TAPBP: variants seen among roughly 807,000 people sequenced by gnomAD.
The protein encoded by TAPBP is tapasin.
Under a neutral mutation model 45.7 loss-of-function variants are expected in TAPBP, and 38 were observed. That is an observed-to-expected ratio of 0.83 (90% CI 0.64 to 1.09). The LOEUF is 1.09. Among genes scored for constraint, TAPBP ranks in the 50% least tolerant of loss-of-function variants. The pLI is 0.00. For missense variants in TAPBP, 513 were observed against 587.3 expected (o/e 0.87, Z 1.31); for synonymous variants, 226 against 254.8 (o/e 0.89, Z 1.08).
rs561937329 is a variant in TAPBP at position 33,312,040 on chromosome 6, A to T, written c.469+1177T>A. Among the ~76,000 whole-genome samples the T allele has an allele frequency of 3.3e-5, 5 of 152,376 alleles. No homozygotes were observed. The East Asian group carries it at 9.6e-4, about 29-fold the overall frequency. On this transcript the variant is annotated intron_variant, in intron 3 of 7. Coordinates refer to ENST00000434618, the MANE Select transcript of TAPBP (RefSeq NM_003190.5). The stretch of plus-strand genomic sequence containing the variant: ...TAAATTAACACAGTGCCATCTCTTG[A>T]TAGTCACAACAAGAAAAGCAGCTGG...
chr6:33,304,981 C>T lies in TAPBP; in HGVS notation c.868+8G>A. ...TCTACCCCTGGAGACCTCTGTCCCC[C>T]AACTCACTGTACACAGCAAGCTCCA... On this transcript the variant is annotated splice_region_variant and intron_variant, in intron 4 of 7. Transcript: ENST00000434618. 3 of 1,613,658 alleles carry T rather than the reference C, an allele frequency of 1.9e-6. No homozygotes were observed. Among genetic ancestry groups the T allele is most frequent in the Non-Finnish European group, 2.5e-6 (3 of 1,179,712 alleles).
intron 3 of TAPBP, among the ~76,000 whole-genome samples, chr6:33,310,327 C>T (rs1027097810): frequency 6.7e-6 from 1 of 148,598 alleles, no homozygotes; most frequent in African/African-American, 2.5e-5. Flanking sequence ...CTAACATGAC[C>T]AAACCCTGTC....
chr6:33,310,034 T>A (rs1769242048), intron 3 of TAPBP, among the ~76,000 whole-genome samples: 1 of 151,544 alleles, frequency 6.6e-6, no homozygotes, highest in African/African-American at 2.4e-5. Flanking sequence ...TTTTTTTAAT[T>A]TTTAGTAGAG....
chr6:33,313,572 C>A lies in TAPBP; in HGVS notation c.209-95G>T. 1.3e-6 allele frequency: 2 copies of A among 1,521,274 alleles called. No homozygotes were observed. The highest frequency in any genetic ancestry group is 8.8e-7 in the Non-Finnish European group (1 of 1,131,920). The allele number at this position is 1,521,274 out of a possible 1,614,324, so 94.2% of individuals were successfully genotyped here. ...GGGAACTTCAAATGCACAGACTACC[C>A]CGTAGTGAGACTCACTTTACAAAGG... On this transcript the variant is annotated intron_variant, in intron 2 of 7. Coordinates refer to ENST00000434618, the MANE Select transcript of TAPBP (RefSeq NM_003190.5). The surrounding 1 kb of genome is among the most constrained non-coding windows in gnomAD (Gnocchi z 7.2).
chr6:33,307,236 T>C (rs3135408), intron 3 of TAPBP, among the ~76,000 whole-genome samples: 89,831 of 151,358 alleles, frequency 0.59, 27,337 homozygotes, highest in African/African-American at 0.74. Flanking sequence ...TGCCGTAAGC[T>C]GAAATCATGC....
Position 33,303,969 on chromosome 6 carries a change from T to C in TAPBP, c.1321A>G (p.Lys441Glu). 1.9e-6 allele frequency: 3 copies of C among 1,613,874 alleles called. No individual in the cohort carries two copies. In the South Asian group the frequency reaches 3.3e-5, roughly 18 times the overall value. ...GAGCACTGTACCTTCTTTGAATCCT[T>C]GCAGGTGGACAGGTAGACAGCTGTG... ...GWAAVYLSTCKDSKKKAE is the reference protein window; with the variant it reads ...GWAAVYLSTCEDSKKKAE Residue 441 changes from lysine to glutamate, a missense_variant, in exon 7 of 8, where the codon AAG becomes GAG. By Grantham distance (56) the Lys-to-Glu change is moderately conservative (BLOSUM62 1). Coordinates refer to ENST00000434618, the MANE Select transcript of TAPBP (RefSeq NM_003190.5).
chr6:33,310,228 T>C (rs1471928604), intron 3 of TAPBP, among the ~76,000 whole-genome samples: 2 of 151,220 alleles, frequency 1.3e-5, no homozygotes, highest in East Asian at 4.0e-4. Context: ...AGTATAGGCC[T>C]GGCGTGGTGG....
At position 33,313,451 on chromosome 6, in the gene TAPBP, A is replaced by G; in HGVS notation, c.235T>C (p.Phe79Leu). The change falls in exon 3 of 8, where the codon TTC (phenylalanine) becomes CTC (leucine). Residue 79 changes from phenylalanine to leucine, a missense_variant. Phe to Leu is a conservative substitution (Grantham distance 22, BLOSUM62 0). Coordinates refer to ENST00000434618, the MANE Select transcript of TAPBP (RefSeq NM_003190.5). The surrounding 1 kb of genome is among the most constrained non-coding windows in gnomAD (Gnocchi z 7.2). ...GGGGCGCCCCGGGGATACCGCCTGA[A>G]GGCAGCCTGGAGGGCGCCCGCGGGG... Reference protein sequence around the residue: ...HDPAGALQAAFRRYPRGAPAP... With the variant: ...HDPAGALQAALRRYPRGAPAP... 6.3e-7 allele frequency: 1 copy of G among 1,589,062 alleles called. No homozygotes were observed. Among genetic ancestry groups the G allele is most frequent in the Non-Finnish European group, 8.6e-7 (1 of 1,164,536 alleles).
At chr6:33,310,584 A>G (rs1769279975) in intron 3 of TAPBP, among the ~76,000 whole-genome samples, 1 of 151,086 alleles carries the variant, frequency 6.6e-6, no homozygotes, top group Non-Finnish European at 1.5e-5. Flanking sequence ...TCGGAGGCCA[A>G]GGTGGGCAGA....
At chr6:33,312,132 C>T (rs1769392472) in intron 3 of TAPBP, among the ~76,000 whole-genome samples, 1 of 152,186 alleles carries the variant, frequency 6.6e-6, no homozygotes, top group Non-Finnish European at 1.5e-5. Flanking sequence ...CTCATCATCA[C>T]CTCGGTGGAG....
rs1768759818 is a variant in TAPBP at position 33,303,976 on chromosome 6, G to A, written c.1314C>T (p.Ser438=). 1.9e-6 allele frequency: 3 copies of A among 1,613,934 alleles called. No individual in the cohort carries two copies. ...GTACCTTCTTTGAATCCTTGCAGGT[G>A]GACAGGTAGACAGCTGTGGGGAAAG... The part of the protein sequence containing the change: ...KALGWAAVYL[S]TCKDSKKKAE The change falls in exon 7 of 8, where the codon TCC becomes TCT. Residue 438 remains serine, a synonymous_variant. Coordinates refer to ENST00000434618, the MANE Select transcript of TAPBP (RefSeq NM_003190.5).
At chr6:33,310,378 C>T (rs1453604911) in intron 3 of TAPBP, among the ~76,000 whole-genome samples, 3 of 150,844 alleles carry the variant, frequency 2.0e-5, no homozygotes, top group African/African-American at 4.9e-5. Context: ...TGGTGGTGGG[C>T]GCCTGTAGTC....
chr6:33,308,185 A>T (rs1271267331), intron 3 of TAPBP: 1 of 135,434 alleles, frequency 7.4e-6, no homozygotes, highest in Non-Finnish European at 1.7e-5. Flanking sequence ...AAAAAAAAAA[A>T]AAATTAGCGG....
chr6:33,313,158 C>T lies in TAPBP; in HGVS notation c.469+59G>A. On this transcript the variant is annotated intron_variant, in intron 3 of 7. Transcript: ENST00000434618. The surrounding 1 kb of genome is among the most constrained non-coding windows in gnomAD (Gnocchi z 7.2). The stretch of plus-strand genomic sequence containing the variant: ...TGCTCAAGTCCATAAAGCGAGACCA[C>T]CGGCTGATCTGGACCCTTAGAATCT... The T allele has an allele frequency of 6.5e-7, 1 of 1,533,948 alleles. No homozygotes were observed. Among genetic ancestry groups the T allele is most frequent in the Non-Finnish European group, 8.8e-7 (1 of 1,136,726 alleles).
rs1360892036 is a variant in TAPBP, at chr6:33,313,007, G to T, written c.469+210C>A. On this transcript the variant is annotated intron_variant, in intron 3 of 7. Transcript: ENST00000434618. This position sits in a 1 kb window ranked among gnomAD's most constrained non-coding sequence, Gnocchi z 7.2. ...TCCCCCTACCCCCTGCCAAGCTGCA[G>T]TTTTTTTTTTGTTTTTTTTTTTTAA... The T allele has an allele frequency of 4.7e-6, 2 of 427,270 alleles. No individual in the cohort carries two copies. Among genetic ancestry groups the T allele is most frequent in the Non-Finnish European group, 7.5e-6 (2 of 266,422 alleles). 26.5% of individuals were successfully genotyped at this position (427,270 alleles called of 1,614,324 possible). A position where few individuals can be genotyped will look rare whatever the true frequency, so the allele number is the denominator to read the frequency against.
Position 33,300,650 on chromosome 6 carries a change from G to C in TAPBP, c.*1110C>G, listed in dbSNP as rs1478999200. On this transcript the variant is annotated 3_prime_UTR_variant, in exon 8 of 8. Coordinates refer to ENST00000434618, the MANE Select transcript of TAPBP (RefSeq NM_003190.5). ...CACTCCAGCCTGGGCAACAGAGCGA[G>C]ACTCTGTCTCAGAAAAAAAGAAAGA... 4 of 103,938 alleles carry C rather than the reference G, an allele frequency of 3.8e-5. No individual in the cohort carries two copies. Among genetic ancestry groups the C allele is most frequent in the African/African-American group, 1.8e-4 (4 of 21,852 alleles). 6.4% of individuals were successfully genotyped at this position (103,938 alleles called of 1,614,324 possible).
At chr6:33,309,598 TC>T (rs776205655) in intron 3 of TAPBP, among the ~76,000 whole-genome samples, 8 of 115,626 alleles carry the variant, frequency 6.9e-5, no homozygotes, top group East Asian at 4.9e-4. Context: ...ACAGTTTAAC[TC>T]TTTTTTTTTT....
At chr6:33,311,935 A>G (rs1448940426) in intron 3 of TAPBP, among the ~76,000 whole-genome samples, 1 of 152,214 alleles carries the variant, frequency 6.6e-6, no homozygotes, top group African/African-American at 2.4e-5. Context: ...TATATTTTAG[A>G]AACCTCCAAC....
In TAPBP at chr6:33,301,583, A is replaced by G. The variant is rs541143582; in HGVS notation, c.*177T>C. ...AGTGAGACTCCGTCTCAAAAAAAAA[A>G]AAAAAAGAAAAATTATCCCTTATAT... On this transcript the variant is annotated 3_prime_UTR_variant, in exon 8 of 8. Coordinates refer to ENST00000434618, the MANE Select transcript of TAPBP (RefSeq NM_003190.5). The G allele has an allele frequency of 1.9e-4, 120 of 629,226 alleles. No homozygotes were observed. In the Admixed American group the frequency reaches 3.5e-3, roughly 18 times the overall value. The allele number at this position is 629,226 out of a possible 1,614,324, so 39.0% of individuals were successfully genotyped here. A position where few individuals can be genotyped will look rare whatever the true frequency, so the allele number is the denominator to read the frequency against.
Sources: allele counts gnomAD v4.1 joint callset (sites outside exome capture counted in the v4.1 genomes callset), GRCh38; gene constraint gnomAD v4.1.1; non-coding constraint Gnocchi (gnomAD v3.1); transcripts MANE v1.5; gene names NCBI Gene and HGNC (gene_info 2026-07-23, HGNC 2026-07-21).